MMUT: variants seen among roughly 807,000 people sequenced by gnomAD.
The protein encoded by MMUT is methylmalonyl-CoA mutase, mitochondrial.
In MMUT, 79 loss-of-function variants were observed where a neutral mutation model predicts 79.9. The ratio of observed to expected loss-of-function variants is 0.99; its 90% CI spans 0.82 to 1.19. The LOEUF (loss-of-function observed/expected upper bound fraction) is 1.19, where lower values mean the gene tolerates loss of function less well. MMUT is among the 50% of genes most tolerant of loss of function. The probability of loss-of-function intolerance (pLI) is 0.00; values close to 1 mark genes in which losing one functional copy is unlikely to be tolerated. For synonymous variants in MMUT, 273 were observed against 295.7 expected, an observed-to-expected ratio of 0.92 and a Z score of 0.79; for missense variants, 860 against 917.2, an observed-to-expected ratio of 0.94 and a Z score of 0.81.
rs531073684 is a variant in MMUT at position 49,450,157 on chromosome 6, G to T, written c.1333-1230C>A. On this transcript the variant is annotated intron_variant, in intron 6 of 12. Transcript: ENST00000274813. ...GAGACAGGAGAATCGCTTGAACTAG[G>T]GAGTCAAAAGTTGCAGTAAGCCGAG... Among the ~76,000 whole-genome samples the T allele has an allele frequency of 7.9e-5, 12 of 151,662 alleles. No individual in the cohort carries two copies. The East Asian group carries it at 2.3e-3, about 29-fold the overall frequency.
At chr6:49,440,412 T>C in intron 10 of MMUT, 59 bp from the exon 11 acceptor site, 3 of 1,521,012 alleles carry the variant, frequency 2.0e-6, no homozygotes, top group East Asian at 4.5e-5. Flanking sequence ...AGGGAAGATA[T>C]AAAAACTAAT....
chr6:49,449,832 C>A (rs1767503871), intron 6 of MMUT, among the ~76,000 whole-genome samples: 1 of 151,810 alleles, frequency 6.6e-6, no homozygotes, highest in Non-Finnish European at 1.5e-5. Flanking sequence ...CAAAAATGAG[C>A]TCTACGAATC....
In MMUT at chr6:49,435,606, G is replaced by A. The variant is rs757366369; in HGVS notation, c.1974C>T (p.Ala658=). 1 of 1,613,828 alleles carries A rather than the reference G, an allele frequency of 6.2e-7. No individual in the cohort carries two copies. Among genetic ancestry groups the A allele is most frequent in the South Asian group, 1.1e-5 (1 of 91,036 alleles). Residue 658 remains alanine, a synonymous_variant, in exon 12 of 13, where the codon GCC becomes GCT. Transcript: ENST00000274813. Reference sequence around the variant, plus strand: ...GCACATCCGCATCCACAGCCTGCTGGGCCACTTCACGAGGAGTCTAAACAG... The same window carrying A: ...GCACATCCGCATCCACAGCCTGCTGAGCCACTTCACGAGGAGTCTAAACAG... The part of the protein sequence containing the change: ...GPLFQTPREV[A]QQAVDADVHA...
intron 12 of MMUT, 37 bp from the exon 13 acceptor site, chr6:49,431,893 A>T: frequency 6.2e-7 from 1 of 1,603,460 alleles, no homozygotes; most frequent in Non-Finnish European, 8.5e-7. Context: ...AAGAGCCACT[A>T]TTTCCATTTT....
chr6:49,435,468 C>T lies in MMUT; in HGVS notation c.2112G>A (p.Val704=), dbSNP rs1395239174. 11 of 1,613,806 alleles carry T rather than the reference C, an allele frequency of 6.8e-6. No individual in the cohort carries two copies. Among genetic ancestry groups the T allele is most frequent in the Non-Finnish European group, 9.3e-6 (11 of 1,179,844 alleles). ...RPDILVMCGG[V]IPPQDYEFLF... is the part of the protein sequence containing the mutation. ...AGATAAAAAATACCTGAGGTGGTAT[C>T]ACCCCTCCACACATGACAAGAATAT... The change falls in exon 12 of 13, where the codon GTG becomes GTA. Residue 704 remains valine (V), a synonymous_variant. Coordinates refer to ENST00000274813, the MANE Select transcript of MMUT (RefSeq NM_000255.4).
chr6:49,457,423 A>T (rs1767716846), intron 3 of MMUT, among the ~76,000 whole-genome samples: 2 of 152,232 alleles, frequency 1.3e-5, no homozygotes, highest in South Asian at 4.1e-4. Context: ...AGGGAAATTT[A>T]AAAATGTAAG....
intron 6 of MMUT, among the ~76,000 whole-genome samples, chr6:49,451,143 T>C (rs1456924215): frequency 6.6e-6 from 1 of 152,166 alleles, no homozygotes; most frequent in African/African-American, 2.4e-5. Flanking sequence ...AAGAAGTATG[T>C]ATCTTACTCC....
At chr6:49,447,556 T>C (rs923956494) in intron 8 of MMUT, 114 bp downstream of exon 8, 6 of 669,788 alleles carry the variant, frequency 9.0e-6, no homozygotes, top group East Asian at 2.8e-5. Flanking sequence ...TGGAAATTAA[T>C]ACACACCTCA....
intron 4 of MMUT, among the ~76,000 whole-genome samples, chr6:49,454,422 C>T (rs1767636081): frequency 6.6e-6 from 1 of 152,166 alleles, no homozygotes; most frequent in Non-Finnish European, 1.5e-5. Context: ...ATTCTTGTGC[C>T]TCACCCTCCC....
chr6:49,448,609 C>T (rs1274445714), intron 7 of MMUT, among the ~76,000 whole-genome samples: 1 of 152,086 alleles, frequency 6.6e-6, no homozygotes, highest in African/African-American at 2.4e-5. Flanking sequence ...GGTTAGACAT[C>T]CACACACACT....
At chr6:49,460,700 T>C (rs1327058559) in intron 1 of MMUT, among the ~76,000 whole-genome samples, 4 of 152,222 alleles carry the variant, frequency 2.6e-5, no homozygotes, top group East Asian at 1.9e-4. Flanking sequence ...AACATTAATA[T>C]ATTCACTATA....
Position 49,451,614 on chromosome 6 carries a change from C to T in MMUT, c.1184G>A (p.Gly395Asp), listed in dbSNP as rs749884774. The change falls in exon 6 of 13, where the codon GGT becomes GAT. Residue 395 changes from glycine to aspartate, a missense_variant. Transcript: ENST00000274813. The part of the protein sequence containing the change: ...LHTNSFDEAL[G>D]LPTVKSARIA... The stretch of plus-strand genomic sequence containing the variant: ...TCGAGCACTTTTCACAGTTGGCAAA[C>T]CCAAAGCTTCATCAAAAGAATTTGT... 1 of 1,614,096 alleles carries T rather than the reference C, an allele frequency of 6.2e-7. No homozygotes were observed.
intron 5 of MMUT, among the ~76,000 whole-genome samples, chr6:49,452,583 T>C (rs1036905442): frequency 2.0e-5 from 3 of 152,174 alleles, no homozygotes; most frequent in Admixed American, 1.3e-4. Context: ...TCTGCCCGCC[T>C]TGGCCTCCCA....
chr6:49,438,433 A>G (rs1246178271), intron 11 of MMUT, among the ~76,000 whole-genome samples: 1 of 152,194 alleles, frequency 6.6e-6, no homozygotes, highest in Non-Finnish European at 1.5e-5. Context: ...CACCAATCCC[A>G]TGTGGGCTAT....
chr6:49,431,583 G>T lies in MMUT; in HGVS notation c.*145C>A. 1 of 777,698 alleles carries T rather than the reference G, an allele frequency of 1.3e-6. No individual in the cohort carries two copies. The highest frequency in any genetic ancestry group is 2.1e-6 in the Non-Finnish European group (1 of 478,182). 48.2% of individuals were successfully genotyped at this position (777,698 alleles called of 1,614,324 possible). On this transcript the variant is annotated 3_prime_UTR_variant, in exon 13 of 13. Coordinates refer to ENST00000274813, the MANE Select transcript of MMUT (RefSeq NM_000255.4). Reference sequence around the variant, plus strand: ...GTACATACTTATAGCATGACACCAGGCCTATAAGTAAGGTATTTTAAAGTA... The same window carrying T: ...GTACATACTTATAGCATGACACCAGTCCTATAAGTAAGGTATTTTAAAGTA...
intron 8 of MMUT, among the ~76,000 whole-genome samples, chr6:49,447,245 T>C (rs1437730502): frequency 1.3e-5 from 2 of 151,934 alleles, no homozygotes; most frequent in Non-Finnish European, 2.9e-5. Flanking sequence ...GATGCCATCA[T>C]TCTGGTGAAA....
intron 6 of MMUT, among the ~76,000 whole-genome samples, chr6:49,450,136 C>A (rs1358151178): frequency 1.3e-5 from 2 of 150,474 alleles, no homozygotes; most frequent in Non-Finnish European, 2.9e-5. Context: ...GAGGCTGAGA[C>A]AGGAGAATCG....
In MMUT at chr6:49,451,600, TCA is replaced by T. The variant is rs1227030642; in HGVS notation, c.1196_1197del (p.Val399GlufsTer24). The T allele has an allele frequency of 2.5e-6, 4 of 1,614,178 alleles. No homozygotes were observed. Among genetic ancestry groups the T allele is most frequent in the Non-Finnish European group, 1.7e-6 (2 of 1,180,018 alleles). Reference protein sequence around the residue: ...SFDEALGLPTVKSARIARNTQ... With the variant: ...SFDEALGLPTXKSARIARNTQ... ...GTGTTCCTGGCAATTCGAGCACTTT[TCA>T]CAGTTGGCAAACCCAAAGCTTCATC... On this transcript the variant is annotated frameshift_variant, in exon 6 of 13. Transcript: ENST00000274813. LOFTEE classifies it high-confidence loss of function.
At position 49,459,283 on chromosome 6, in the gene MMUT, G is replaced by A. The variant is rs868567905; in HGVS notation, c.184C>T (p.His62Tyr). ...KGKNPEDLIWHTPEGISIKPL... is the reference protein window; with the variant it reads ...KGKNPEDLIWYTPEGISIKPL... ...TTTATAGAGATCCCTTCCGGGGTGT[G>A]CCATATTAGGTCTTCTGGGTTTTTG... The change falls in exon 2 of 13, where the codon CAC (histidine) becomes TAC (tyrosine). Residue 62 changes from histidine (H) to tyrosine (Y), a missense_variant. Coordinates refer to ENST00000274813, the MANE Select transcript of MMUT (RefSeq NM_000255.4). 1 of 1,614,060 alleles carries A rather than the reference G, an allele frequency of 6.2e-7. No individual in the cohort carries two copies. Among genetic ancestry groups the A allele is most frequent in the Non-Finnish European group, 8.5e-7 (1 of 1,180,036 alleles).
Sources: gnomAD v4.1 joint callset for allele counts (sites outside exome capture counted in the v4.1 genomes callset) on GRCh38, gnomAD v4.1.1 for gene constraint, MANE v1.5 for transcripts, NCBI Gene and HGNC (gene_info 2026-07-23, HGNC 2026-07-21) for gene names.